GNB4: variants seen among roughly 807,000 people sequenced by gnomAD.
GNB4 encodes G protein subunit beta 4, also known as guanine nucleotide-binding protein subunit beta-4.
Under a neutral mutation model 45.2 loss-of-function variants are expected in GNB4, and 28 were observed. The ratio of observed to expected loss-of-function variants is 0.62; its 90% CI spans 0.46 to 0.85. The LOEUF (loss-of-function observed/expected upper bound fraction) is 0.85. Among genes scored for constraint, GNB4 ranks in the 40% least tolerant of loss-of-function variants. GNB4 has a pLI of 0.00. For synonymous variants in GNB4, 132 were observed against 143.7 expected, an observed-to-expected ratio of 0.92 and a Z score of 0.58; for missense variants, 321 against 425.4, an observed-to-expected ratio of 0.75 and a Z score of 2.16.
the GNB4 span, among the ~76,000 whole-genome samples, chr3:179,510,355 T>C: frequency 6.6e-6 from 1 of 152,202 alleles, no homozygotes; most frequent in Admixed American, 6.5e-5. Context: ...CCTCATTCAG[T>C]AGTGAACTAT....
chr3:179,465,031 A>G, the GNB4 span: 2 of 1,508,760 alleles, frequency 1.3e-6, no homozygotes, highest in Non-Finnish European at 1.8e-6. Context: ...CCACTGTTAC[A>G]ATATCTTATC....
chr3:179,460,063 T>C, the GNB4 span, among the ~76,000 whole-genome samples: 1 of 152,218 alleles, frequency 6.6e-6, no homozygotes, highest in Admixed American at 6.5e-5. Context: ...TAAACTTGAG[T>C]TCTCATCCTT....
intron 1 of GNB4, among the ~76,000 whole-genome samples, chr3:179,445,033 T>TA (rs1292742443): frequency 7.3e-4 from 108 of 148,214 alleles, no homozygotes; most frequent in Admixed American, 1.1e-3. Context: ...GTGTTGCCAT[T>TA]AAAAAAAAAA....
At chr3:179,499,797 G>A in the GNB4 span, among the ~76,000 whole-genome samples, 2 of 151,884 alleles carry the variant, frequency 1.3e-5, no homozygotes, top group Non-Finnish European at 1.5e-5. Flanking sequence ...ACTGGTGTGA[G>A]ATGTGGTTTT....
chr3:179,464,414 C>A, the GNB4 span: 46 of 1,402,336 alleles, frequency 3.3e-5, no homozygotes, highest in Non-Finnish European at 4.4e-5. Context: ...GCTGCTCCCT[C>A]TGCCCTCGCC....
At chr3:179,485,988 G>C in the GNB4 span, among the ~76,000 whole-genome samples, 1 of 151,772 alleles carries the variant, frequency 6.6e-6, no homozygotes. Flanking sequence ...ACTTTGGGAG[G>C]CCGAGGCAGG....
At position 179,418,339 on chromosome 3, in the gene GNB4, G is replaced by C. The variant is rs368824744; in HGVS notation, c.203+1060C>G. ...ACAAAAATTAGTCAGGCGTGGTTGT[G>C]GATGTCTGTAATCCCAGCTACTTGG... On this transcript the variant is annotated intron_variant, in intron 4 of 9. Transcript: ENST00000232564. 5.3e-5 allele frequency among the ~76,000 whole-genome samples: 8 copies of C among 151,638 alleles called. No homozygotes were observed. The East Asian group carries it at 1.6e-3, about 29-fold the overall frequency.
the GNB4 span, among the ~76,000 whole-genome samples, chr3:179,481,997 G>T: frequency 6.6e-6 from 1 of 151,958 alleles, no homozygotes; most frequent in East Asian, 1.9e-4. Flanking sequence ...CTACCTCCCT[G>T]GCTCAAACAA....
the GNB4 span, among the ~76,000 whole-genome samples, chr3:179,525,233 A>T: frequency 1.3e-5 from 2 of 152,188 alleles, no homozygotes; most frequent in Admixed American, 1.3e-4. Context: ...TGTAAAATGG[A>T]GAAATCAAAA....
At chr3:179,420,467 TATA>T (rs749523325) in intron 3 of GNB4, among the ~76,000 whole-genome samples, 22 of 137,256 alleles carry the variant, frequency 1.6e-4, no homozygotes, top group South Asian at 4.6e-4. Flanking sequence ...TATATATATA[TATA>T]TTTTTTTTTG....
At chr3:179,482,642 G>T in the GNB4 span, among the ~76,000 whole-genome samples, 1 of 152,142 alleles carries the variant, frequency 6.6e-6, no homozygotes, top group Admixed American at 6.5e-5. Context: ...CTGTTTTGAA[G>T]GGTAGAGCCA....
intron 1 of GNB4, among the ~76,000 whole-genome samples, chr3:179,433,618 G>GAAA (rs1363827459): frequency 9.3e-6 from 1 of 108,054 alleles, no homozygotes; most frequent in East Asian, 2.7e-4. Flanking sequence ...TCTAACGGTG[G>GAAA]AAAAAAAAAA....
intron 2 of GNB4, among the ~76,000 whole-genome samples, chr3:179,421,548 T>A (rs1411836400): frequency 6.6e-6 from 1 of 152,198 alleles, no homozygotes; most frequent in Admixed American, 6.5e-5. Flanking sequence ...AAGGTTATAG[T>A]AGTATCCTCT....
the GNB4 span, chr3:179,465,328 G>A: frequency 3.1e-6 from 4 of 1,290,088 alleles, no homozygotes; most frequent in African/African-American, 1.5e-5. Context: ...TTATGGCCGG[G>A]CGCGGTGGCT....
At chr3:179,466,994 A>C in the GNB4 span, among the ~76,000 whole-genome samples, 1 of 152,202 alleles carries the variant, frequency 6.6e-6, no homozygotes. Context: ...GTGGATGATG[A>C]TAAATACTTT....
chr3:179,426,893 A>G (rs1304882479), intron 1 of GNB4, among the ~76,000 whole-genome samples: 1 of 152,154 alleles, frequency 6.6e-6, no homozygotes. Context: ...CTAGAGATCC[A>G]TTTAAAATAC....
intron 4 of GNB4, among the ~76,000 whole-genome samples, chr3:179,418,470 C>CAAAAAAAAAAAAAAAAAAAAAAA (rs386356535): frequency 4.2e-5 from 4 of 95,374 alleles, no homozygotes; most frequent in Non-Finnish European, 4.2e-5. Flanking sequence ...AACTCTGTCT[C>CAAAAAAAAAAAAAAAAAAAAAAA]AAAAAAAAAA....
intron 1 of GNB4, among the ~76,000 whole-genome samples, chr3:179,444,452 G>A (rs1035628825): frequency 6.3e-5 from 9 of 143,078 alleles, no homozygotes; most frequent in African/African-American, 2.1e-4. Context: ...CCTCTCAACC[G>A]CTTCCCTAGA....
At chr3:179,490,852 A>G in the GNB4 span, among the ~76,000 whole-genome samples, 4 of 152,190 alleles carry the variant, frequency 2.6e-5, no homozygotes, top group Non-Finnish European at 1.5e-5. Context: ...ATAATGCTTT[A>G]TCACTTCTCT....
Sources: gnomAD v4.1 joint callset for allele counts (sites outside exome capture counted in the v4.1 genomes callset) on GRCh38, gnomAD v4.1.1 for gene constraint, MANE v1.5 for transcripts, NCBI Gene and HGNC (gene_info 2026-07-23, HGNC 2026-07-21) for gene names.